Variants in KLHL5 observed in about 807,000 individuals in gnomAD.
KLHL5 encodes kelch like family member 5.
KLHL5 carries 48 observed loss-of-function variants against 77.7 expected under a neutral mutation model. The ratio of observed to expected loss-of-function variants is 0.62; its 90% CI spans 0.49 to 0.79. KLHL5 has a LOEUF of 0.79. Among genes scored for constraint, KLHL5 ranks in the 30% least tolerant of loss-of-function variants. The probability of loss-of-function intolerance (pLI) is 0.00; values close to 1 mark genes in which losing one functional copy is unlikely to be tolerated. For missense variants in KLHL5, 723 were observed against 859.7 expected (o/e 0.84, Z 1.99); for synonymous variants, 260 against 297.0 (o/e 0.88, Z 1.28).
At chr4:39,133,130 A>G in the KLHL5 span, among the ~76,000 whole-genome samples, 1 of 152,136 alleles carries the variant, frequency 6.6e-6, no homozygotes, top group Admixed American at 6.5e-5. Context: ...AGTAATAAAA[A>G]TTATTCAGGT....
At chr4:39,079,717 G>T (rs993219696) in intron 2 of KLHL5, among the ~76,000 whole-genome samples, 1 of 151,958 alleles carries the variant, frequency 6.6e-6, no homozygotes, top group Non-Finnish European at 1.5e-5. Flanking sequence ...CCCTCTAAAT[G>T]TAAGACTCCA....
chr4:39,071,918 A>G (rs1487411612), intron 1 of KLHL5, among the ~76,000 whole-genome samples: 2 of 152,234 alleles, frequency 1.3e-5, no homozygotes, highest in Non-Finnish European at 2.9e-5. Flanking sequence ...AATATGATTT[A>G]GTGGTATCAT....
chr4:39,096,861 G>T lies in KLHL5; in HGVS notation c.1283G>T (p.Gly428Val). Residue 428 changes from glycine to valine, a missense_variant, in exon 6 of 11, where the codon GGA becomes GTA. Physicochemically the swap from Gly to Val is moderately radical, Grantham distance 109 (BLOSUM62 -3). This residue lies in a region of KLHL5 where 288 missense variants were observed against 400.3 expected (regional missense o/e 0.72). Coordinates refer to ENST00000504108, the MANE Select transcript of KLHL5 (RefSeq NM_015990.5). Reference protein sequence around the residue: ...STVGTLFAVGGMDSTKGATSI... With the variant: ...STVGTLFAVGVMDSTKGATSI... ...GTTGGTACATTATTTGCAGTTGGGG[G>T]AATGGATTCAACAAAAGGTATCAAA... 3 of 1,613,268 alleles carry T rather than the reference G, an allele frequency of 1.9e-6. No homozygotes were observed. The highest frequency in any genetic ancestry group is 2.5e-6 in the Non-Finnish European group (3 of 1,179,396).
downstream of KLHL5, among the ~76,000 whole-genome samples, chr4:39,131,349 G>T (rs1034762681): frequency 1.4e-4 from 21 of 152,050 alleles, no homozygotes; most frequent in African/African-American, 5.1e-4. Flanking sequence ...TCATATTTTT[G>T]TAAAAGAAAT....
intron 5 of KLHL5, among the ~76,000 whole-genome samples, chr4:39,094,494 A>G (rs951242770): frequency 2.6e-5 from 4 of 151,734 alleles, no homozygotes; most frequent in African/African-American, 9.7e-5. Context: ...GATAAAAAGA[A>G]CTGAATAAAT....
intron 1 of KLHL5, among the ~76,000 whole-genome samples, chr4:39,072,310 C>G (rs769427488): frequency 2.0e-4 from 30 of 152,090 alleles, no homozygotes; most frequent in Non-Finnish European, 4.0e-4. Flanking sequence ...GTTTAATAAT[C>G]TTCTCTTGAG....
At chr4:39,126,874 T>G, downstream of KLHL5, 1 of 393,652 alleles carries the variant, frequency 2.5e-6, no homozygotes. Flanking sequence ...AACTAGAATT[T>G]TTATACATCT....
At chr4:39,063,170 G>C in intron 1 of KLHL5, 135 bp downstream of exon 1, 1 of 601,772 alleles carries the variant, frequency 1.7e-6, no homozygotes, top group Non-Finnish European at 2.6e-6. Flanking sequence ...ATCTTGGTAT[G>C]AACATGTGAT....
rs5857651 is a variant in KLHL5 at position 39,105,150 on chromosome 4, AT to A, written c.1525+1653del. Among the ~76,000 whole-genome samples, 283 of 147,096 alleles carry A rather than the reference AT, an allele frequency of 1.9e-3. 1 individual carries two copies. Among genetic ancestry groups the A allele is most frequent in the African/African-American group, 5.0e-3 (201 of 40,116 alleles). On this transcript the variant is annotated intron_variant, in intron 7 of 10. Transcript: ENST00000504108. ...TCATTTAAAAAAGGAGTTCTGCTAA[AT>A]TTTTTTTTTTTTTGAGACAGGTTCT...
chr4:39,061,888 A>G (rs1717440638), upstream of KLHL5, among the ~76,000 whole-genome samples: 1 of 152,192 alleles, frequency 6.6e-6, no homozygotes. Context: ...TCTTTATCCA[A>G]GTGAAATCTT....
chr4:39,054,963 T>C (rs1716907646), intron 1 of KLHL5, among the ~76,000 whole-genome samples: 1 of 152,190 alleles, frequency 6.6e-6, no homozygotes, highest in South Asian at 2.1e-4. Context: ...TTATAAAACA[T>C]TAGTAAACAT....
intron 7 of KLHL5, among the ~76,000 whole-genome samples, chr4:39,106,834 C>A (rs1412912175): frequency 6.6e-6 from 1 of 151,926 alleles, no homozygotes; most frequent in Non-Finnish European, 1.5e-5. Context: ...TCAATGCAAC[C>A]TGAAACTCCT....
At chr4:39,114,509 G>A (rs1278903698) in intron 9 of KLHL5, among the ~76,000 whole-genome samples, 2 of 152,220 alleles carry the variant, frequency 1.3e-5, no homozygotes, top group South Asian at 2.1e-4. Flanking sequence ...ACCATAACAA[G>A]TGCTTTCTGT....
chr4:39,116,035 G>T, intron 10 of KLHL5: 1 of 985,406 alleles, frequency 1.0e-6, no homozygotes, highest in South Asian at 4.7e-5. Context: ...GTATGGTCAA[G>T]AAAACAAAGC....
the KLHL5 span, among the ~76,000 whole-genome samples, chr4:39,139,065 T>C: frequency 2.0e-5 from 3 of 152,268 alleles, no homozygotes; most frequent in Non-Finnish European, 2.9e-5. Context: ...GTGGATCACC[T>C]GAGGTCAGGA....
At chr4:39,063,554 G>A (rs780726573) in intron 1 of KLHL5, 7 of 441,486 alleles carry the variant, frequency 1.6e-5, no homozygotes, top group South Asian at 1.1e-4. Flanking sequence ...ATTTCTCTTT[G>A]TCCTGTCTGT....
chr4:39,141,403 G>C, the KLHL5 span, among the ~76,000 whole-genome samples: 4 of 151,116 alleles, frequency 2.6e-5, no homozygotes, highest in African/African-American at 9.7e-5. Context: ...CCACCTGCCG[G>C]GTTCACGCCA....
At chr4:39,066,882 G>A (rs182532543) in intron 1 of KLHL5, among the ~76,000 whole-genome samples, 4 of 152,266 alleles carry the variant, frequency 2.6e-5, no homozygotes, top group Admixed American at 2.6e-4. Flanking sequence ...CTCAAGGTTA[G>A]TAAGTAAAAT....
At chr4:39,141,886 G>A in the KLHL5 span, among the ~76,000 whole-genome samples, 1 of 152,210 alleles carries the variant, frequency 6.6e-6, no homozygotes, top group Non-Finnish European at 1.5e-5. Context: ...GAGAGAACAT[G>A]AGCAAATCAT....
Sources: allele counts gnomAD v4.1 joint callset (sites outside exome capture counted in the v4.1 genomes callset), GRCh38; gene constraint gnomAD v4.1.1; regional missense constraint gnomAD v4.1.1; transcripts MANE v1.5; gene names NCBI Gene and HGNC (gene_info 2026-07-23, HGNC 2026-07-21).